Variants in MTUS2 observed in about 807,000 individuals in gnomAD.
MTUS2 encodes the protein microtubule associated scaffold protein 2, also known as microtubule-associated tumor suppressor candidate 2.
In MTUS2, 40 loss-of-function variants were observed where a neutral mutation model predicts 114.1. The ratio of observed to expected loss-of-function variants is 0.35; its 90% CI spans 0.27 to 0.46. The LOEUF is 0.46. Among genes scored for constraint, MTUS2 ranks in the 20% least tolerant of loss-of-function variants. The pLI, the probability that MTUS2 is intolerant of heterozygous loss-of-function variation, is 1.00. For missense variants in MTUS2, 1,679 were observed against 1,705.4 expected (o/e 0.98, Z 0.27); for synonymous variants, 688 against 672.0 (o/e 1.02, Z -0.37).
intron 5 of MTUS2, among the ~76,000 whole-genome samples, chr13:29,273,664 A>G (rs915240610): frequency 6.6e-6 from 1 of 152,188 alleles, no homozygotes; most frequent in African/African-American, 2.4e-5. Context: ...AACATATTTA[A>G]TCACCCCAGA....
intron 2 of MTUS2, among the ~76,000 whole-genome samples, chr13:28,885,427 A>G (rs905867017): frequency 3.9e-5 from 6 of 152,132 alleles, no homozygotes; most frequent in African/African-American, 1.4e-4. Flanking sequence ...TACGTGCCTT[A>G]TTTAGGGGGA....
In MTUS2 at chr13:29,051,180, G is replaced by A. The variant is rs909889988; in HGVS notation, c.2446+17055G>A. Among the ~76,000 whole-genome samples the A allele has an allele frequency of 1.3e-4, 20 of 152,282 alleles. 1 individual carries two copies. The highest frequency in any genetic ancestry group is 4.6e-4 in the African/African-American group (19 of 41,560). Reference sequence around the variant, plus strand: ...TTACTGTCAGGACAGCTGGGAGGATGGAAGGAGAAAGGGGTGAAATTATTG... The same window carrying A: ...TTACTGTCAGGACAGCTGGGAGGATAGAAGGAGAAAGGGGTGAAATTATTG... On this transcript the variant is annotated intron_variant, in intron 4 of 15. Transcript: ENST00000612955.
rs1426378970 is a variant in MTUS2 at position 28,886,209 on chromosome 13, G to A, written c.-243+46359G>A. 2.0e-5 allele frequency among the ~76,000 whole-genome samples: 3 copies of A among 152,290 alleles called. No homozygotes were observed. The South Asian group carries it at 6.2e-4, about 32-fold the overall frequency. On this transcript the variant is annotated intron_variant, in intron 2 of 15. Coordinates refer to ENST00000612955, the MANE Select transcript of MTUS2 (RefSeq NM_001033602.4). Reference sequence around the variant, plus strand: ...GTTAGGACTTTTGCTTTTACTTTGCGAGATGGGAAGTGGCTAGAGGGTTTT... The same window carrying A: ...GTTAGGACTTTTGCTTTTACTTTGCAAGATGGGAAGTGGCTAGAGGGTTTT...
chr13:28,909,764 G>T (rs1350622279), intron 2 of MTUS2, among the ~76,000 whole-genome samples: 2 of 152,154 alleles, frequency 1.3e-5, no homozygotes, highest in African/African-American at 4.8e-5. Context: ...TGTCATGATT[G>T]TACATCTAGG....
At chr13:28,856,403 C>G (rs2138049242) in intron 2 of MTUS2, among the ~76,000 whole-genome samples, 1 of 152,330 alleles carries the variant, frequency 6.6e-6, no homozygotes, top group Admixed American at 6.5e-5. Context: ...GGGATGCATG[C>G]TCAGTCTGAC....
intron 8 of MTUS2, among the ~76,000 whole-genome samples, chr13:29,389,118 T>C (rs77744466): frequency 0.039 from 5,851 of 151,846 alleles, 396 homozygotes; most frequent in African/African-American, 0.13. Flanking sequence ...ATGATCTAAG[T>C]TGTTTTAATC....
In MTUS2 at chr13:29,462,772, C is replaced by T. The variant is rs556520758; in HGVS notation, c.3185-17378C>T. On this transcript the variant is annotated intron_variant, in intron 9 of 15. Coordinates refer to ENST00000612955, the MANE Select transcript of MTUS2 (RefSeq NM_001033602.4). ...TTCTGCTTGAGAAAGATGAGAGAGA[C>T]ACCACCATTTGTAGAGGCTGTGTGT... Among the ~76,000 whole-genome samples, 62 of 152,168 alleles carry T rather than the reference C, an allele frequency of 4.1e-4. 1 individual carries two copies. Among genetic ancestry groups the T allele is most frequent in the East Asian group, 1.4e-3 (7 of 5,160 alleles).
intron 2 of MTUS2, among the ~76,000 whole-genome samples, chr13:28,908,793 G>C (rs968580724): frequency 1.3e-5 from 2 of 151,524 alleles, no homozygotes; most frequent in Non-Finnish European, 1.5e-5. Context: ...GTATTGCCTA[G>C]GTTTTCTTCT....
chr13:29,278,816 T>C (rs1284499529), intron 5 of MTUS2, among the ~76,000 whole-genome samples: 2 of 152,338 alleles, frequency 1.3e-5, no homozygotes, highest in East Asian at 3.9e-4. Context: ...GTTTATCATA[T>C]ATTTTTAAGA....
intron 6 of MTUS2, among the ~76,000 whole-genome samples, chr13:29,286,117 G>A (rs1350244829): frequency 6.6e-6 from 1 of 152,150 alleles, no homozygotes; most frequent in African/African-American, 2.4e-5. Context: ...GTAGAGTTGG[G>A]GTTTCACCAT....
intron 2 of MTUS2, among the ~76,000 whole-genome samples, chr13:28,869,148 G>A (rs1361066656): frequency 6.6e-6 from 1 of 152,188 alleles, no homozygotes; most frequent in East Asian, 1.9e-4. Flanking sequence ...AGCTGTTGAA[G>A]AGTTCTTTGA....
chr13:29,401,841 C>T (rs1187682989), intron 8 of MTUS2, among the ~76,000 whole-genome samples: 2 of 152,150 alleles, frequency 1.3e-5, no homozygotes, highest in African/African-American at 4.8e-5. Flanking sequence ...ATTTTCTCCT[C>T]CAGTTGAAGT....
intron 12 of MTUS2, among the ~76,000 whole-genome samples, chr13:29,495,848 G>C (rs996414959): frequency 2.6e-5 from 4 of 152,112 alleles, no homozygotes; most frequent in Non-Finnish European, 4.4e-5. Flanking sequence ...TCTAGCCTGG[G>C]CGACAGAGTG....
In MTUS2 at chr13:29,097,398, T is replaced by C. The variant is rs1486916455; in HGVS notation, c.2447-3375T>C. On this transcript the variant is annotated intron_variant, in intron 4 of 15. Coordinates refer to ENST00000612955, the MANE Select transcript of MTUS2 (RefSeq NM_001033602.4). ...CCTCATGTCACCATTTTGGAAGTTG[T>C]CTTTTTTATGTGCCACCTCAGCTTT... Among the ~76,000 whole-genome samples the C allele has an allele frequency of 3.3e-5, 5 of 152,244 alleles. No individual in the cohort carries two copies. In the East Asian group the frequency reaches 7.7e-4, roughly 23 times the overall value.
chr13:28,894,351 T>TGAGAGAGG (rs1383277209), intron 2 of MTUS2, among the ~76,000 whole-genome samples: 1 of 42,394 alleles, frequency 2.4e-5, no homozygotes, highest in African/African-American at 1.1e-4. Flanking sequence ...AGAGAGAGAG[T>TGAGAGAGG]GAGAGTGAGA....
chr13:29,199,330 C>A (rs1442363003), intron 5 of MTUS2, among the ~76,000 whole-genome samples: 1 of 152,176 alleles, frequency 6.6e-6, no homozygotes, highest in African/African-American at 2.4e-5. Context: ...GTGGGTTTAT[C>A]ATAAATAGCT....
intron 7 of MTUS2, among the ~76,000 whole-genome samples, chr13:29,348,812 C>A (rs1256593219): frequency 6.6e-6 from 1 of 152,124 alleles, no homozygotes; most frequent in Admixed American, 6.5e-5. Flanking sequence ...ACTTCTTTAT[C>A]CCTGGTAATA....
chr13:29,323,472 G>A (rs1332698124), intron 6 of MTUS2, among the ~76,000 whole-genome samples: 12 of 152,146 alleles, frequency 7.9e-5, no homozygotes, highest in Non-Finnish European at 1.6e-4. Flanking sequence ...GGATTGTCTC[G>A]ATCTCCTGAC....
chr13:29,109,207 A>T (rs909334493), intron 5 of MTUS2, among the ~76,000 whole-genome samples: 5 of 152,212 alleles, frequency 3.3e-5, no homozygotes, highest in Admixed American at 6.5e-5. Flanking sequence ...TATTTACATT[A>T]TGATGTTTTG....
Sources: gnomAD v4.1 joint callset for allele counts (sites outside exome capture counted in the v4.1 genomes callset) on GRCh38, gnomAD v4.1.1 for gene constraint, MANE v1.5 for transcripts, NCBI Gene and HGNC (gene_info 2026-07-23, HGNC 2026-07-21) for gene names.